Variants in SMCHD1 observed in about 807,000 individuals in gnomAD.
SMCHD1 encodes structural maintenance of chromosomes flexible hinge domain-containing protein 1.
In SMCHD1, 78 loss-of-function variants were observed where a neutral mutation model predicts 254.7. That is an observed-to-expected ratio of 0.31 (90% CI 0.26 to 0.37). The LOEUF is 0.37. Ranked by LOEUF, SMCHD1 falls within the 10% of genes least tolerant of loss-of-function variation. The pLI, the probability that SMCHD1 is intolerant of heterozygous loss-of-function variation, is 1.00. For missense variants in SMCHD1, 1,840 were observed against 2,408.1 expected (o/e 0.76, Z 4.94); for synonymous variants, 766 against 794.9 (o/e 0.96, Z 0.61).
At chr18:2,703,989 C>CT (rs1317915897) in intron 13 of SMCHD1, 103 bp downstream of exon 13, 29 of 928,242 alleles carry the variant, frequency 3.1e-5, no homozygotes, top group South Asian at 3.1e-4. Context: ...TTAAAAATTT[C>CT]TTTTTTTCCC....
chr18:2,768,083 G>A (rs2075902760), intron 37 of SMCHD1, among the ~76,000 whole-genome samples: 1 of 151,972 alleles, frequency 6.6e-6, no homozygotes, highest in African/African-American at 2.4e-5. Context: ...GTGCATGACT[G>A]TATGTTAGAT....
chr18:2,705,446 A>G (rs749813145), intron 13 of SMCHD1, among the ~76,000 whole-genome samples: 2 of 149,594 alleles, frequency 1.3e-5, no homozygotes, highest in Non-Finnish European at 2.9e-5. Context: ...CTTGTAAGAC[A>G]CATGCTTAAT....
chr18:2,724,154 C>CT (rs752864139), intron 20 of SMCHD1, among the ~76,000 whole-genome samples: 1 of 148,176 alleles, frequency 6.7e-6, no homozygotes, highest in Non-Finnish European at 1.5e-5. Context: ...CACATTGCAT[C>CT]TTTTTTCAAA....
intron 34 of SMCHD1, among the ~76,000 whole-genome samples, chr18:2,756,724 A>G (rs2075687336): frequency 6.6e-6 from 1 of 152,078 alleles, no homozygotes; most frequent in Admixed American, 6.6e-5. Flanking sequence ...CCTCCCAAGT[A>G]GCTGGAACTA....
intron 47 of SMCHD1, 123 bp from the exon 48 acceptor site, chr18:2,802,405 C>T (rs1403455242): frequency 1.4e-6 from 1 of 709,290 alleles, no homozygotes; most frequent in South Asian, 2.3e-5. Flanking sequence ...TCTGTTTATA[C>T]CAAGAATTAT....
chr18:2,729,921 C>T (rs2075104140), intron 24 of SMCHD1, among the ~76,000 whole-genome samples: 1 of 151,890 alleles, frequency 6.6e-6, no homozygotes, highest in South Asian at 2.1e-4. Context: ...GCTGTGTTGC[C>T]CAGTCTGATC....
chr18:2,738,553 G>A lies in SMCHD1; in HGVS notation c.3425+8G>A. On this transcript the variant is annotated splice_region_variant and intron_variant, in intron 26 of 47. Transcript: ENST00000320876. ...AAGTGCGTTTACAGTAAGGTTTGTG[G>A]ACTCATTATATTTTGCAGCCTATGG... 6.2e-7 allele frequency: 1 copy of A among 1,602,232 alleles called. No homozygotes were observed. Among genetic ancestry groups the A allele is most frequent in the Non-Finnish European group, 8.5e-7 (1 of 1,174,718 alleles).
chr18:2,689,432 G>A (rs1312556128), intron 7 of SMCHD1, among the ~76,000 whole-genome samples: 2 of 151,746 alleles, frequency 1.3e-5, no homozygotes, highest in East Asian at 3.9e-4. Context: ...TGTTGGCCAG[G>A]CTGGTTTTGA....
Position 2,750,337 on chromosome 18 carries a change from T to G in SMCHD1, c.4008-13T>G, listed in dbSNP as rs1392980282. The G allele has an allele frequency of 6.3e-7, 1 of 1,594,016 alleles. No homozygotes were observed. Among genetic ancestry groups the G allele is most frequent in the East Asian group, 2.2e-5 (1 of 44,680 alleles). On this transcript the variant is annotated splice_polypyrimidine_tract_variant and intron_variant, in intron 31 of 47. Transcript: ENST00000320876. Reference sequence around the variant, plus strand: ...AATGTAATTTGAACCCCTCTCCTCTTTTGTTTTGTTAGGGGAGAGCATACT... The same window carrying G: ...AATGTAATTTGAACCCCTCTCCTCTGTTGTTTTGTTAGGGGAGAGCATACT...
intron 5 of SMCHD1, among the ~76,000 whole-genome samples, chr18:2,678,822 GTTTTTTTT>G (rs572937755): frequency 0.23 from 32,543 of 144,428 alleles, 4,097 homozygotes; most frequent in South Asian, 0.32. Flanking sequence ...TCCGTTTTTT[GTTTTTTTT>G]TTTTTTTTGT....
intron 34 of SMCHD1, among the ~76,000 whole-genome samples, chr18:2,755,648 A>G (rs1343415287): frequency 6.8e-6 from 1 of 146,076 alleles, no homozygotes; most frequent in Non-Finnish European, 1.5e-5. Flanking sequence ...GCTCACTGCA[A>G]GCTCTGCCTC....
At chr18:2,683,263 A>G (rs1041999439) in intron 5 of SMCHD1, among the ~76,000 whole-genome samples, 1 of 152,058 alleles carries the variant, frequency 6.6e-6, no homozygotes, top group Non-Finnish European at 1.5e-5. Flanking sequence ...TAGCTCATAG[A>G]CTTTGGTTAA....
chr18:2,685,961 T>C (rs1286947285), intron 5 of SMCHD1, among the ~76,000 whole-genome samples: 2 of 152,224 alleles, frequency 1.3e-5, no homozygotes, highest in Non-Finnish European at 2.9e-5. Context: ...CAGTTTATGT[T>C]TACCCACATA....
At chr18:2,720,336 C>T (rs900261148) in intron 19 of SMCHD1, among the ~76,000 whole-genome samples, 9 of 152,150 alleles carry the variant, frequency 5.9e-5, no homozygotes, top group South Asian at 2.1e-4. Flanking sequence ...TCTTGTTAAA[C>T]AATTCCTTAA....
At chr18:2,717,984 A>T (rs550347627) in intron 17 of SMCHD1, among the ~76,000 whole-genome samples, 174 bp from the exon 18 acceptor site, 4 of 152,214 alleles carry the variant, frequency 2.6e-5, no homozygotes, top group Admixed American at 6.5e-5. Context: ...TGAATTGAAG[A>T]GTTAACTATT....
intron 44 of SMCHD1, among the ~76,000 whole-genome samples, chr18:2,779,230 G>A (rs901930984): frequency 6.6e-6 from 1 of 152,182 alleles, no homozygotes; most frequent in African/African-American, 2.4e-5. Context: ...TTCTCCAAGT[G>A]ATGTTGGCTA....
At chr18:2,726,394 A>G in intron 21 of SMCHD1, 58 bp from the exon 22 acceptor site, 4 of 893,934 alleles carry the variant, frequency 4.5e-6, no homozygotes, top group Non-Finnish European at 6.7e-6. Context: ...TTGATGTGAT[A>G]AACTACTTAA....
At position 2,718,104 on chromosome 18, in the gene SMCHD1, A is replaced by T; in HGVS notation, c.2261-54A>T. 1 of 1,397,712 alleles carries T rather than the reference A, an allele frequency of 7.2e-7. No homozygotes were observed. The allele number at this position is 1,397,712 out of a possible 1,614,324, so 86.6% of individuals were successfully genotyped here. On this transcript the variant is annotated intron_variant, in intron 17 of 47. Coordinates refer to ENST00000320876, the MANE Select transcript of SMCHD1 (RefSeq NM_015295.3). The surrounding 1 kb of genome is among the most constrained non-coding windows in gnomAD (Gnocchi z 4.6). Reference sequence around the variant, plus strand: ...GTGCCAATGTGACATTGCGTATTTCATGTTTTACGTTGAATTTCTCAAGAC... The same window carrying T: ...GTGCCAATGTGACATTGCGTATTTCTTGTTTTACGTTGAATTTCTCAAGAC...
chr18:2,656,479 C>A (rs2073061745), intron 1 of SMCHD1, among the ~76,000 whole-genome samples: 1 of 152,252 alleles, frequency 6.6e-6, no homozygotes, highest in Admixed American at 6.5e-5. Context: ...CCGGCTCCCC[C>A]GTGGCCCTCC....
Sources: gnomAD v4.1 joint callset for allele counts (sites outside exome capture counted in the v4.1 genomes callset) on GRCh38, gnomAD v4.1.1 for gene constraint, Gnocchi (gnomAD v3.1) non-coding constraint, MANE v1.5 for transcripts, NCBI Gene and HGNC (gene_info 2026-07-23, HGNC 2026-07-21) for gene names.